PPARGC1A: variants seen among roughly 807,000 people sequenced by gnomAD.
PPARGC1A encodes the protein peroxisome proliferator-activated receptor gamma coactivator 1-alpha.
A neutral mutation model predicts 88.7 loss-of-function variants in PPARGC1A; 25 were observed. That is an observed-to-expected ratio of 0.28 (90% CI 0.21 to 0.39). The LOEUF is 0.39. Ranked by LOEUF, PPARGC1A falls within the 10% of genes least tolerant of loss-of-function variation. The pLI is 1.00. For missense variants in PPARGC1A, 880 were observed against 968.7 expected, an observed-to-expected ratio of 0.91 and a Z score of 1.22; for synonymous variants, 363 against 355.6, an observed-to-expected ratio of 1.02 and a Z score of -0.24.
At chr4:24,435,338 T>C in the PPARGC1A span, among the ~76,000 whole-genome samples, 4 of 152,198 alleles carry the variant, frequency 2.6e-5, no homozygotes, top group African/African-American at 9.6e-5. Context: ...TGCCCTCCAG[T>C]TGCACTGGCA....
Position 23,801,849 on chromosome 4 carries a change from G to T in PPARGC1A, c.2174C>A (p.Thr725Asn). 3 of 1,613,974 alleles carry T rather than the reference G, an allele frequency of 1.9e-6. No homozygotes were observed. The African/African-American group carries it at 4.0e-5, about 22-fold the overall frequency. ...DSYGFITYRY[T>N]CDAFAALENG... Reference sequence around the variant, plus strand: ...TTCAAGAGCAGCAAAAGCATCACAGGTATAACGGTAGGTAATGAAACCATA... The same window carrying T: ...TTCAAGAGCAGCAAAAGCATCACAGTTATAACGGTAGGTAATGAAACCATA... The change falls in exon 12 of 13, where the codon ACC becomes AAC. Residue 725 changes from threonine (T) to asparagine (N), a missense_variant. Physicochemically the swap from Thr to Asn is moderately conservative, Grantham distance 65. Coordinates refer to ENST00000264867, the MANE Select transcript of PPARGC1A (RefSeq NM_013261.5).
chr4:24,116,859 T>C, the PPARGC1A span, among the ~76,000 whole-genome samples: 61 of 152,322 alleles, frequency 4.0e-4, no homozygotes, highest in Non-Finnish European at 6.8e-4. Context: ...TTGCTCGTCG[T>C]ACATTAAAAG....
the PPARGC1A span, among the ~76,000 whole-genome samples, chr4:23,965,881 A>G: frequency 6.6e-6 from 1 of 152,202 alleles, no homozygotes; most frequent in Non-Finnish European, 1.5e-5. Flanking sequence ...CCCTTTTTAT[A>G]TCGCTTTTTA....
chr4:24,265,373 A>G, the PPARGC1A span, among the ~76,000 whole-genome samples: 2 of 152,160 alleles, frequency 1.3e-5, no homozygotes, highest in African/African-American at 4.8e-5. Flanking sequence ...CAACATCTGA[A>G]CACTTCTCAT....
Position 23,796,652 on chromosome 4 carries a change from T to C in PPARGC1A, c.2294-727A>G, listed in dbSNP as rs190851484. ...ACAAAATAGATATGTTTTAGCAATATAGAAAGCAAAGTAAAATTCTGTTAA... is the reference window on the plus strand; with the variant it reads ...ACAAAATAGATATGTTTTAGCAATACAGAAAGCAAAGTAAAATTCTGTTAA... On this transcript the variant is annotated intron_variant, in intron 12 of 12. Coordinates refer to ENST00000264867, the MANE Select transcript of PPARGC1A (RefSeq NM_013261.5). 1.8e-3 allele frequency among the ~76,000 whole-genome samples: 269 copies of C among 152,300 alleles called. 1 individual carries two copies. Among genetic ancestry groups the C allele is most frequent in the Non-Finnish European group, 3.1e-3 (209 of 68,014 alleles).
the PPARGC1A span, among the ~76,000 whole-genome samples, chr4:23,957,979 G>A: frequency 3.9e-5 from 6 of 151,980 alleles, no homozygotes; most frequent in African/African-American, 1.4e-4. Flanking sequence ...TTTTGCAGTC[G>A]ATCTACTCAG....
At chr4:24,214,844 G>A in the PPARGC1A span, among the ~76,000 whole-genome samples, 4 of 152,144 alleles carry the variant, frequency 2.6e-5, no homozygotes, top group East Asian at 3.9e-4. Context: ...AGTAATGCCC[G>A]AGACCAAAAG....
intron 2 of PPARGC1A, among the ~76,000 whole-genome samples, chr4:23,844,663 ATATAT>A (rs1315468828): frequency 2.9e-5 from 3 of 104,334 alleles, no homozygotes; most frequent in South Asian, 2.6e-4. Flanking sequence ...GATATATATC[ATATAT>A]TATAATAATA....
the PPARGC1A span, among the ~76,000 whole-genome samples, chr4:24,361,551 G>T: frequency 3.1e-3 from 473 of 152,048 alleles, 6 homozygotes; most frequent in African/African-American, 0.011. Flanking sequence ...ATATATCCTT[G>T]TCTATAGATG....
the PPARGC1A span, among the ~76,000 whole-genome samples, chr4:24,163,886 C>T: frequency 5.3e-5 from 8 of 152,114 alleles, no homozygotes; most frequent in African/African-American, 1.9e-4. Context: ...AATGAGAAGG[C>T]CTCCTGACCA....
the PPARGC1A span, among the ~76,000 whole-genome samples, chr4:24,091,232 G>T: frequency 3.3e-5 from 5 of 152,306 alleles, no homozygotes; most frequent in Non-Finnish European, 5.9e-5. Flanking sequence ...CATAAATTTA[G>T]CAACACCTAT....
In PPARGC1A at chr4:23,834,123, C is replaced by T. The variant is rs1186398860; in HGVS notation, c.235-2372G>A. On this transcript the variant is annotated intron_variant, in intron 2 of 12. Transcript: ENST00000264867. ...GACCATCCTGGCTAACATGGTGAAACCCTGTCTCTACTAAAAATACAAAAA... is the reference window on the plus strand; with the variant it reads ...GACCATCCTGGCTAACATGGTGAAATCCTGTCTCTACTAAAAATACAAAAA... 2.0e-5 allele frequency among the ~76,000 whole-genome samples: 3 copies of T among 152,080 alleles called. No individual in the cohort carries two copies. The East Asian group carries it at 5.8e-4, about 29-fold the overall frequency.
the PPARGC1A span, among the ~76,000 whole-genome samples, chr4:24,018,234 A>G: frequency 9.2e-5 from 14 of 152,198 alleles, no homozygotes; most frequent in African/African-American, 2.7e-4. Context: ...TATTTCAATA[A>G]AGACTTGATA....
At chr4:23,849,441 T>C (rs1190657978) in intron 2 of PPARGC1A, among the ~76,000 whole-genome samples, 2 of 152,172 alleles carry the variant, frequency 1.3e-5, no homozygotes, top group African/African-American at 2.4e-5. Context: ...GACTATCGCA[T>C]AGCTGATAAA....
chr4:24,165,464 A>G, the PPARGC1A span, among the ~76,000 whole-genome samples: 1 of 152,220 alleles, frequency 6.6e-6, no homozygotes, highest in Non-Finnish European at 1.5e-5. Context: ...TTATACAGGA[A>G]TACATTGTTT....
chr4:23,886,355 C>T (rs996089202), intron 1 of PPARGC1A, among the ~76,000 whole-genome samples: 11 of 152,218 alleles, frequency 7.2e-5, no homozygotes, highest in African/African-American at 2.6e-4. Context: ...CCACATTACA[C>T]AGGTCATATG....
the PPARGC1A span, among the ~76,000 whole-genome samples, chr4:24,452,435 C>T: frequency 6.6e-6 from 1 of 152,170 alleles, no homozygotes; most frequent in Admixed American, 6.5e-5. Flanking sequence ...AGAAGTTCTA[C>T]TCTCTCGACC....
At chr4:24,142,491 T>C in the PPARGC1A span, among the ~76,000 whole-genome samples, 7 of 151,792 alleles carry the variant, frequency 4.6e-5, no homozygotes, top group African/African-American at 7.3e-5. Context: ...ATGGGCAACA[T>C]GGTGAAACCC....
chr4:24,327,771 C>G, the PPARGC1A span, among the ~76,000 whole-genome samples: 1 of 152,084 alleles, frequency 6.6e-6, no homozygotes, highest in Admixed American at 6.5e-5. Flanking sequence ...GCCGCCCCAA[C>G]ACTTCAACAC....
Sources: allele counts gnomAD v4.1 joint callset (sites outside exome capture counted in the v4.1 genomes callset), GRCh38; gene constraint gnomAD v4.1.1; transcripts MANE v1.5; gene names NCBI Gene and HGNC (gene_info 2026-07-23, HGNC 2026-07-21).